Variants in FBXO41 observed in about 807,000 individuals in gnomAD.
FBXO41 encodes the protein F-box protein 41, also known as F-box only protein 41.
In FBXO41, 33 loss-of-function variants were observed where a neutral mutation model predicts 81.6. That is an observed-to-expected ratio of 0.40 (90% CI 0.31 to 0.54). The LOEUF is 0.54. Among genes scored for constraint, FBXO41 ranks in the 20% least tolerant of loss-of-function variants. The probability of loss-of-function intolerance (pLI) is 0.39; values close to 1 mark genes in which losing one functional copy is unlikely to be tolerated. For missense variants in FBXO41, 1,107 were observed against 1,236.0 expected (o/e 0.90, Z 1.56); for synonymous variants, 576 against 552.7 (o/e 1.04, Z -0.59).
rs764788381 is a variant in FBXO41, at chr2:73,266,249, C to T, written c.1131+208G>A. 1.9e-4 allele frequency among the ~76,000 whole-genome samples: 29 copies of T among 152,154 alleles called. No homozygotes were observed. The highest frequency in any genetic ancestry group is 2.9e-4 in the Non-Finnish European group (20 of 68,010). ...GATAGCCCCCGAGGGCTGGGGCCACCGAATCACATCTCACTACAGCCTCGG... is the reference window on the plus strand; with the variant it reads ...GATAGCCCCCGAGGGCTGGGGCCACTGAATCACATCTCACTACAGCCTCGG... On this transcript the variant is annotated intron_variant, in intron 3 of 12. Coordinates refer to ENST00000520530, the MANE Select transcript of FBXO41 (RefSeq NM_001371389.2). The surrounding 1 kb of genome is among the most constrained non-coding windows in gnomAD (Gnocchi z 5.3).
Position 73,268,488 on chromosome 2 carries a change from A to G in FBXO41, c.905+238T>C, listed in dbSNP as rs555543501. Reference sequence around the variant, plus strand: ...CCAAAATGCAGGGGTTGGCTTGTCTAGGACAGAGAACGAGAAAGGCAGACT... The same window carrying G: ...CCAAAATGCAGGGGTTGGCTTGTCTGGGACAGAGAACGAGAAAGGCAGACT... On this transcript the variant is annotated intron_variant, in intron 2 of 12. Coordinates refer to ENST00000520530, the MANE Select transcript of FBXO41 (RefSeq NM_001371389.2). Among the ~76,000 whole-genome samples the G allele has an allele frequency of 2.6e-5, 4 of 152,296 alleles. No homozygotes were observed. The South Asian group carries it at 8.3e-4, about 32-fold the overall frequency.
In FBXO41 at chr2:73,269,835, G is replaced by T; in HGVS notation, c.-138-67C>A. ...CTCCCACCCTGGCTCCCAGCCCGGAGCCCTCATCCCCCAGCCATGAGGAAA... is the reference window on the plus strand; with the variant it reads ...CTCCCACCCTGGCTCCCAGCCCGGATCCCTCATCCCCCAGCCATGAGGAAA... On this transcript the variant is annotated intron_variant, in intron 1 of 12. Transcript: ENST00000520530. This position sits in a 1 kb window ranked among gnomAD's most constrained non-coding sequence, Gnocchi z 7.0. 1 of 215,496 alleles carries T rather than the reference G, an allele frequency of 4.6e-6. No individual in the cohort carries two copies. 13.3% of individuals were successfully genotyped at this position (215,496 alleles called of 1,614,324 possible).
At position 73,259,053 on chromosome 2, in the gene FBXO41, C is replaced by T. The variant is rs749057797; in HGVS notation, c.2566-9G>A. ...GGCCTCCGTCGCAGAGCCTGCGGAC[C>T]GAACCCTGGGTTAGTTCTCCCTCCG... On this transcript the variant is annotated splice_polypyrimidine_tract_variant and intron_variant, in intron 12 of 12. Coordinates refer to ENST00000520530, the MANE Select transcript of FBXO41 (RefSeq NM_001371389.2). The surrounding 1 kb of genome is among the most constrained non-coding windows in gnomAD (Gnocchi z 4.2). 1.2e-6 allele frequency: 2 copies of T among 1,604,634 alleles called. No homozygotes were observed. The highest frequency in any genetic ancestry group is 1.7e-6 in the Non-Finnish European group (2 of 1,175,440).
In FBXO41 at chr2:73,255,388, A is replaced by G. The variant is rs189779184; in HGVS notation, c.*3594T>C. On this transcript the variant is annotated 3_prime_UTR_variant, in exon 13 of 13. Transcript: ENST00000520530. The stretch of plus-strand genomic sequence containing the variant: ...AACACACTTGTCCAGGAATACATAC[A>G]TACACACAATACACAGCAATATATA... The G allele has an allele frequency of 2.6e-5, 4 of 152,766 alleles. No individual in the cohort carries two copies. Among genetic ancestry groups the G allele is most frequent in the African/African-American group, 9.6e-5 (4 of 41,586 alleles). The allele number at this position is 152,766 out of a possible 1,614,324, so 9.5% of individuals were successfully genotyped here. A position where few individuals can be genotyped will look rare whatever the true frequency, so the allele number is the denominator to read the frequency against.
At chr2:73,261,391 A>G (rs1458473743) in intron 9 of FBXO41, among the ~76,000 whole-genome samples, 2 of 152,078 alleles carry the variant, frequency 1.3e-5, no homozygotes, top group Non-Finnish European at 2.9e-5. Flanking sequence ...TCAGACCACC[A>G]TTGGCATTCT....
At position 73,269,379 on chromosome 2, in the gene FBXO41, G is replaced by A. The variant is rs1245747871; in HGVS notation, c.252C>T (p.Phe84=). Residue 84 remains phenylalanine (F), a synonymous_variant, in exon 2 of 13, where the codon TTC becomes TTT. Transcript: ENST00000520530. The surrounding 1 kb of genome is among the most constrained non-coding windows in gnomAD (Gnocchi z 7.0). ...CCTTGCCCTGGAAGGAAGTGCTCTC[G>A]AAGACCTCTCGCCGGGCGCCGGGCA... is the stretch of plus-strand genomic sequence containing the variant. ...LAVPGARREV[F]ESTSFQGKEQ... 3 of 1,495,438 alleles carry A rather than the reference G, an allele frequency of 2.0e-6. No individual in the cohort carries two copies. Among genetic ancestry groups the A allele is most frequent in the Non-Finnish European group, 2.7e-6 (3 of 1,126,220 alleles). 92.6% of individuals were successfully genotyped at this position (1,495,438 alleles called of 1,614,324 possible).
chr2:73,258,691 C>T lies in FBXO41; in HGVS notation c.*291G>A, dbSNP rs1230173348. 7.3e-6 allele frequency: 3 copies of T among 410,878 alleles called. No individual in the cohort carries two copies. The highest frequency in any genetic ancestry group is 8.6e-6 in the Non-Finnish European group (2 of 231,216). 25.5% of individuals were successfully genotyped at this position (410,878 alleles called of 1,614,324 possible). A position where few individuals can be genotyped will look rare whatever the true frequency, so the allele number is the denominator to read the frequency against. On this transcript the variant is annotated 3_prime_UTR_variant, in exon 13 of 13. Transcript: ENST00000520530. ...AGATCCTCCAGGTGATGACACCAGG[C>T]GCTGGTGGTGACAGCTCCTCACTGG... is the stretch of plus-strand genomic sequence containing the variant.
intron 1 of FBXO41, among the ~76,000 whole-genome samples, chr2:73,275,436 G>A (rs528434884): frequency 1.1e-4 from 17 of 152,244 alleles, no homozygotes; most frequent in African/African-American, 4.1e-4. Context: ...GCCCACCTTG[G>A]CCTGCCAAAG....
Position 73,260,777 on chromosome 2 carries a change from C to G in FBXO41, c.2253G>C (p.Gly751=). 3.2e-6 allele frequency: 5 copies of G among 1,561,950 alleles called. No individual in the cohort carries two copies. The highest frequency in any genetic ancestry group is 4.3e-6 in the Non-Finnish European group (5 of 1,151,918). Residue 751 remains glycine (G), a synonymous_variant, in exon 10 of 13, where the codon GGG becomes GGC. Coordinates refer to ENST00000520530, the MANE Select transcript of FBXO41 (RefSeq NM_001371389.2). The surrounding 1 kb of genome is among the most constrained non-coding windows in gnomAD (Gnocchi z 5.0). ...CWPHLRALGV[G]GAGCGVQGLA... is the part of the protein sequence containing the mutation. ...GGCCCTGCACCCCACAGCCGGCACCCCCGACCCCCAGGGCCCGCAGGTGGG... is the reference window on the plus strand; with the variant it reads ...GGCCCTGCACCCCACAGCCGGCACCGCCGACCCCCAGGGCCCGCAGGTGGG...
chr2:73,283,440 TCA>T (rs1387916413), intron 1 of FBXO41, among the ~76,000 whole-genome samples: 2 of 152,128 alleles, frequency 1.3e-5, no homozygotes, highest in East Asian at 3.9e-4. Context: ...CCTCCCAAGG[TCA>T]CACACAGGCT....
At position 73,264,007 on chromosome 2, in the gene FBXO41, G is replaced by A. The variant is rs746306738; in HGVS notation, c.1853C>T (p.Thr618Met). 9 of 1,603,946 alleles carry A rather than the reference G, an allele frequency of 5.6e-6. No individual in the cohort carries two copies. The highest frequency in any genetic ancestry group is 2.2e-5 in the South Asian group (2 of 89,512). ...AQWCTQAHSLTLQNLKPRQRG... is the reference protein window; with the variant it reads ...AQWCTQAHSLMLQNLKPRQRG... ...CTGCCGGGGCTTCAAGTTCTGCAGC[G>A]TCAGAGAGTGGGCCTGGGTGCACCA... is the stretch of plus-strand genomic sequence containing the variant. The change falls in exon 7 of 13, where the codon ACG becomes ATG. Residue 618 changes from threonine (T) to methionine (M), a missense_variant. This residue lies in a region of FBXO41 where 336 missense variants were observed against 446.7 expected (regional missense o/e 0.75). Coordinates refer to ENST00000520530, the MANE Select transcript of FBXO41 (RefSeq NM_001371389.2).
rs975664162 is a variant in FBXO41 at position 73,263,734 on chromosome 2, G to A, written c.2019C>T (p.Asp673=). The change falls in exon 8 of 13, where the codon GAC becomes GAT. Residue 673 remains aspartate, a synonymous_variant. Coordinates refer to ENST00000520530, the MANE Select transcript of FBXO41 (RefSeq NM_001371389.2). ...AGCAGCTGGCCAGCCAGAGCGAGCG[G>A]TCGGTGAGGATGTTTGGACAGTGGG... ...RISHCPNILT[D]RSLWLASCYC... is the part of the protein sequence containing the mutation. 1 of 1,613,878 alleles carries A rather than the reference G, an allele frequency of 6.2e-7. No individual in the cohort carries two copies. Among genetic ancestry groups the A allele is most frequent in the African/African-American group, 1.3e-5 (1 of 74,926 alleles).
In FBXO41 at chr2:73,266,009, A is replaced by C; in HGVS notation, c.1132-43T>G. 2 of 1,528,246 alleles carry C rather than the reference A, an allele frequency of 1.3e-6. No homozygotes were observed. The highest frequency in any genetic ancestry group is 1.8e-6 in the Non-Finnish European group (2 of 1,125,680). The allele number at this position is 1,528,246 out of a possible 1,614,324, so 94.7% of individuals were successfully genotyped here. A position where few individuals can be genotyped will look rare whatever the true frequency, so the allele number is the denominator to read the frequency against. On this transcript the variant is annotated intron_variant, in intron 3 of 12. Transcript: ENST00000520530. The surrounding 1 kb of genome is among the most constrained non-coding windows in gnomAD (Gnocchi z 5.3). Reference sequence around the variant, plus strand: ...AGGAGGTAAAGGAGAGGGGCGGAGGAGGCAAGAGGATGAGCAGGAATAGCA... The same window carrying C: ...AGGAGGTAAAGGAGAGGGGCGGAGGCGGCAAGAGGATGAGCAGGAATAGCA...
At chr2:73,262,233 T>TA (rs34189596) in intron 9 of FBXO41, among the ~76,000 whole-genome samples, 80 of 143,024 alleles carry the variant, frequency 5.6e-4, no homozygotes, top group Middle Eastern at 7.1e-3. Flanking sequence ...AAAAACTAAA[T>TA]AAAAAAAAAA....
chr2:73,267,570 ACTC>A (rs1426537367), intron 2 of FBXO41, among the ~76,000 whole-genome samples: 1 of 152,164 alleles, frequency 6.6e-6, no homozygotes, highest in African/African-American at 2.4e-5. Context: ...GCAGTGAACA[ACTC>A]CTGTCTTTAT....
chr2:73,260,248 A>G lies in FBXO41; in HGVS notation c.2449+141T>C. The G allele has an allele frequency of 8.7e-7, 1 of 1,145,242 alleles. No homozygotes were observed. The highest frequency in any genetic ancestry group is 1.2e-6 in the Non-Finnish European group (1 of 819,698). 70.9% of individuals were successfully genotyped at this position (1,145,242 alleles called of 1,614,324 possible). On this transcript the variant is annotated intron_variant, in intron 11 of 12. Transcript: ENST00000520530. This position sits in a 1 kb window ranked among gnomAD's most constrained non-coding sequence, Gnocchi z 5.0. ...CCTAGGTCAGTCAGGCTCTAGAACC[A>G]GTGCTCTTAACCTGTCCCCCTGCCT...
At chr2:73,276,601 A>AGAGAGAGAGG (rs1688695018) in intron 1 of FBXO41, among the ~76,000 whole-genome samples, 1 of 84,506 alleles carries the variant, frequency 1.2e-5, no homozygotes, top group African/African-American at 6.3e-5. Flanking sequence ...AGAGAGAGAG[A>AGAGAGAGAGG]GAGGGAGAGA....
In FBXO41 at chr2:73,264,323, T is replaced by C. The variant is rs1574379735; in HGVS notation, c.1761A>G (p.Ala587=). The C allele has an allele frequency of 1.2e-6, 2 of 1,613,572 alleles. No homozygotes were observed. The highest frequency in any genetic ancestry group is 1.7e-6 in the Non-Finnish European group (2 of 1,179,864). ...TCTCAAGCAGCACCCTTGTCCAGAC[T>C]GCGGGGTGGCGGGCCACGAAGCGCC... is the stretch of plus-strand genomic sequence containing the variant. ...RDWRFVARHP[A]VWTRVLLENA... The change falls in exon 6 of 13, where the codon GCA becomes GCG. Residue 587 remains alanine, a synonymous_variant. Transcript: ENST00000520530.
At chr2:73,273,348 C>T (rs1275131668) in intron 1 of FBXO41, among the ~76,000 whole-genome samples, 1 of 122,630 alleles carries the variant, frequency 8.2e-6, no homozygotes, top group Non-Finnish European at 1.9e-5. Flanking sequence ...GGGTCTGTGT[C>T]GATCTTTGAC....
Sources: gnomAD v4.1 joint callset for allele counts (sites outside exome capture counted in the v4.1 genomes callset) on GRCh38, gnomAD v4.1.1 for gene constraint, gnomAD v4.1.1 regional missense constraint, Gnocchi (gnomAD v3.1) non-coding constraint, MANE v1.5 for transcripts, NCBI Gene and HGNC (gene_info 2026-07-23, HGNC 2026-07-21) for gene names.